Variants in SLC26A11 observed in about 807,000 individuals in gnomAD.
The protein encoded by SLC26A11 is sodium-independent sulfate anion transporter.
SLC26A11 carries 58 observed loss-of-function variants against 62.2 expected under a neutral mutation model. The observed-to-expected ratio is 0.93, with a 90% CI of 0.76 to 1.16. The LOEUF (loss-of-function observed/expected upper bound fraction) is 1.16, where lower values mean the gene tolerates loss of function less well. Ranked by LOEUF, SLC26A11 falls within the 50% of genes most tolerant of loss-of-function variation. The pLI, the probability that SLC26A11 is intolerant of heterozygous loss-of-function variation, is 0.00. For synonymous variants in SLC26A11, 411 were observed against 368.9 expected, an observed-to-expected ratio of 1.11 and a Z score of -1.31; for missense variants, 790 against 794.3, an observed-to-expected ratio of 0.99 and a Z score of 0.06.
intron 10 of SLC26A11, among the ~76,000 whole-genome samples, chr17:80,243,779 G>A (rs978089755): frequency 1.3e-5 from 2 of 152,210 alleles, no homozygotes; most frequent in African/African-American, 4.8e-5. Context: ...CCGAGCGAAG[G>A]TCAAGGTTAC....
intron 7 of SLC26A11, among the ~76,000 whole-genome samples, chr17:80,235,252 C>T (rs2042663173): frequency 6.6e-6 from 1 of 151,982 alleles, no homozygotes; most frequent in Non-Finnish European, 1.5e-5. Flanking sequence ...TACAGTTATT[C>T]TTTTAATGTC....
chr17:80,220,778 GGA>G (rs1312519832), intron 1 of SLC26A11, 136 bp from the exon 2 acceptor site: 1 of 154,616 alleles, frequency 6.5e-6, no homozygotes, highest in African/African-American at 2.4e-5. Flanking sequence ...CGGGGGCCGG[GGA>G]GTGGATTTTG....
At chr17:80,241,658 T>G in intron 9 of SLC26A11, 113 bp from the exon 10 acceptor site, 1 of 1,107,228 alleles carries the variant, frequency 9.0e-7, no homozygotes, top group Middle Eastern at 2.0e-4. Context: ...ATTCTTAGAT[T>G]TACAAAACTT....
rs185899192 is a variant in SLC26A11, at chr17:80,222,001, G to A, written c.234+207G>A. 1 of 579,224 alleles carries A rather than the reference G, an allele frequency of 1.7e-6. No individual in the cohort carries two copies. Among genetic ancestry groups the A allele is most frequent in the Non-Finnish European group, 3.0e-6 (1 of 337,894 alleles). 35.9% of individuals were successfully genotyped at this position (579,224 alleles called of 1,614,324 possible). ...ACACAGACACTGAGCTGGTTATGGA[G>A]GGGCCAGCGAGATGACTCATGGAGG... is the stretch of plus-strand genomic sequence containing the variant. On this transcript the variant is annotated intron_variant, in intron 3 of 17. Coordinates refer to ENST00000361193, the MANE Select transcript of SLC26A11 (RefSeq NM_001166347.2). This position sits in a 1 kb window ranked among gnomAD's most constrained non-coding sequence, Gnocchi z 4.7.
intron 5 of SLC26A11, 116 bp from the exon 6 acceptor site, chr17:80,225,717 GGGTT>G (rs1223177471): frequency 1.2e-6 from 1 of 856,406 alleles, no homozygotes; most frequent in African/African-American, 1.7e-5. Flanking sequence ...CCGGGAATAA[GGGTT>G]GGGAGCAGGG....
intron 5 of SLC26A11, among the ~76,000 whole-genome samples, chr17:80,224,164 C>T (rs2042300110): frequency 8.5e-6 from 1 of 117,742 alleles, no homozygotes; most frequent in Non-Finnish European, 1.6e-5. Context: ...AGACCAAGGA[C>T]AGGAGAGTGT....
At position 80,223,619 on chromosome 17, in the gene SLC26A11, GT is replaced by G. The variant is rs2042286739; in HGVS notation, c.513+283del. 6.6e-6 allele frequency among the ~76,000 whole-genome samples: 1 copy of G among 152,204 alleles called. No individual in the cohort carries two copies. The highest frequency in any genetic ancestry group is 6.5e-5 in the Admixed American group (1 of 15,288). On this transcript the variant is annotated intron_variant, in intron 5 of 17. Coordinates refer to ENST00000361193, the MANE Select transcript of SLC26A11 (RefSeq NM_001166347.2). The surrounding 1 kb of genome is among the most constrained non-coding windows in gnomAD (Gnocchi z 4.6). ...TGCTCTTGCCCGAGTTTCCGTGCCA[GT>G]GTGCTTGGCTGGCTCTGTGACGTGG...
intron 5 of SLC26A11, among the ~76,000 whole-genome samples, chr17:80,224,636 C>T (rs1041413492): frequency 1.3e-5 from 2 of 152,084 alleles, no homozygotes; most frequent in Non-Finnish European, 2.9e-5. Flanking sequence ...GTGATTTGTA[C>T]GTTATCTACA....
At chr17:80,237,383 A>G (rs1287479609) in intron 8 of SLC26A11, 139 bp from the exon 9 acceptor site, 13 of 865,080 alleles carry the variant, frequency 1.5e-5, no homozygotes, top group Non-Finnish European at 1.2e-5. Context: ...GCCTCTTCAG[A>G]CAAGGAGGCG....
At chr17:80,247,322 A>G (rs1242628111) in intron 13 of SLC26A11, among the ~76,000 whole-genome samples, 2 of 151,746 alleles carry the variant, frequency 1.3e-5, no homozygotes, top group Non-Finnish European at 2.9e-5. Flanking sequence ...CAAAACCGCC[A>G]TTGTCATCAT....
chr17:80,224,460 TGTGA>T (rs1385348845), intron 5 of SLC26A11, among the ~76,000 whole-genome samples: 1 of 150,392 alleles, frequency 6.6e-6, no homozygotes, highest in African/African-American at 2.5e-5. Flanking sequence ...AGTGTGAGAG[TGTGA>T]GTGTGTGAGT....
chr17:80,242,318 C>T (rs746368773), intron 10 of SLC26A11, among the ~76,000 whole-genome samples: 1 of 152,196 alleles, frequency 6.6e-6, no homozygotes, highest in Non-Finnish European at 1.5e-5. Flanking sequence ...GACCTCCACA[C>T]TGCTCAGTTT....
In SLC26A11 at chr17:80,248,480, C is replaced by T. The variant is rs115130955; in HGVS notation, c.1423-95C>T. 2.3e-4 allele frequency: 310 copies of T among 1,373,100 alleles called. 2 individuals carry two copies. The African/African-American group carries it at 3.9e-3, about 17-fold the overall frequency. The allele number at this position is 1,373,100 out of a possible 1,614,324, so 85.1% of individuals were successfully genotyped here. ...ACCCCTCTCCCGGTCCCCTGCAGCA[C>T]ACTAGGTTGGGTGGGGGCTTCCCGC... On this transcript the variant is annotated intron_variant, in intron 14 of 17. Transcript: ENST00000361193.
At chr17:80,234,346 T>A (rs760786445) in intron 7 of SLC26A11, among the ~76,000 whole-genome samples, 22 of 152,220 alleles carry the variant, frequency 1.4e-4, no homozygotes, top group Non-Finnish European at 2.1e-4. Flanking sequence ...TCTGGCCCAC[T>A]TCGTTTCAAG....
chr17:80,223,421 C>G lies in SLC26A11; in HGVS notation c.513+84C>G. Reference sequence around the variant, plus strand: ...TGGCGGGAGCAGGACTGAGGCCAGTCCTGATCCCTGTGGCCAGTGGACGTC... The same window carrying G: ...TGGCGGGAGCAGGACTGAGGCCAGTGCTGATCCCTGTGGCCAGTGGACGTC... On this transcript the variant is annotated intron_variant, in intron 5 of 17. Transcript: ENST00000361193. This position sits in a 1 kb window ranked among gnomAD's most constrained non-coding sequence, Gnocchi z 4.6. 1 of 1,291,992 alleles carries G rather than the reference C, an allele frequency of 7.7e-7. No homozygotes were observed. Among genetic ancestry groups the G allele is most frequent in the Non-Finnish European group, 1.1e-6 (1 of 903,336 alleles). The allele number at this position is 1,291,992 out of a possible 1,614,324, so 80.0% of individuals were successfully genotyped here. A position where few individuals can be genotyped will look rare whatever the true frequency, so the allele number is the denominator to read the frequency against.
In SLC26A11 at chr17:80,221,770, T is replaced by C. The variant is rs2042209465; in HGVS notation, c.210T>C (p.Ala70=). 6.2e-7 allele frequency: 1 copy of C among 1,612,262 alleles called. No homozygotes were observed. The highest frequency in any genetic ancestry group is 1.7e-5 in the Admixed American group (1 of 59,976). ...LTAIPQALAY[A]EVAGLPPQYG... ...CCATTCCCCAGGCGCTGGCCTATGC[T>C]GAAGTGGCTGGACTCCCGCCCCAGG... Residue 70 remains alanine (A), a synonymous_variant, in exon 3 of 18, where the codon GCT becomes GCC. Coordinates refer to ENST00000361193, the MANE Select transcript of SLC26A11 (RefSeq NM_001166347.2).
intron 5 of SLC26A11, among the ~76,000 whole-genome samples, chr17:80,224,462 T>A (rs1435080462): frequency 2.6e-5 from 4 of 151,048 alleles, no homozygotes; most frequent in African/African-American, 9.8e-5. Flanking sequence ...TGTGAGAGTG[T>A]GAGTGTGTGA....
At chr17:80,247,422 G>A (rs1168344283) in intron 13 of SLC26A11, among the ~76,000 whole-genome samples, 1 of 152,168 alleles carries the variant, frequency 6.6e-6, no homozygotes, top group East Asian at 1.9e-4. Flanking sequence ...GGGGCGGCCG[G>A]GCAGAGGCGC....
intron 7 of SLC26A11, 26 bp from the exon 8 acceptor site, chr17:80,236,902 C>A: frequency 1.3e-6 from 2 of 1,593,860 alleles, no homozygotes. Flanking sequence ...AGCAGGGTCT[C>A]GGACGCACCT....
Sources: allele counts gnomAD v4.1 joint callset (sites outside exome capture counted in the v4.1 genomes callset), GRCh38; gene constraint gnomAD v4.1.1; non-coding constraint Gnocchi (gnomAD v3.1); transcripts MANE v1.5; gene names NCBI Gene and HGNC (gene_info 2026-07-23, HGNC 2026-07-21).